The following VRK1 variants were observed in gnomAD, a reference collection of about 807,000 sequenced individuals.
The protein encoded by VRK1 is serine/threonine-protein kinase VRK1.
In VRK1, 33 loss-of-function variants were observed where a neutral mutation model predicts 57.1. The ratio of observed to expected loss-of-function variants is 0.58; its 90% CI spans 0.44 to 0.77. The LOEUF is 0.77. Ranked by LOEUF, VRK1 falls within the 30% of genes least tolerant of loss-of-function variation. VRK1 has a pLI of 0.00. For missense variants in VRK1, 413 were observed against 477.3 expected (o/e 0.87, Z 1.25); for synonymous variants, 137 against 147.8 (o/e 0.93, Z 0.53).
chr14:96,803,012 T>A lies in VRK1; in HGVS notation c.-6+5565T>A, dbSNP rs116923301. ...TCTGTCCCAGGTGGGGTGTAAATCA[T>A]CCCTTTGTCCAGCATATCCACACTG... On this transcript the variant is annotated intron_variant, in intron 1 of 12. Coordinates refer to ENST00000216639, the MANE Select transcript of VRK1 (RefSeq NM_003384.3). Among the ~76,000 whole-genome samples, 888 of 152,240 alleles carry A rather than the reference T, an allele frequency of 5.8e-3. 7 individuals carry two copies. The highest frequency in any genetic ancestry group is 0.035 in the South Asian group (167 of 4,816).
intron 1 of VRK1, among the ~76,000 whole-genome samples, chr14:96,799,501 T>C (rs1459094443): frequency 1.3e-5 from 2 of 152,166 alleles, no homozygotes; most frequent in Admixed American, 1.3e-4. Context: ...ATTTGAAAAA[T>C]AAAACTTTAA....
chr14:96,802,456 T>G (rs1345548024), intron 1 of VRK1, among the ~76,000 whole-genome samples: 1 of 152,212 alleles, frequency 6.6e-6, no homozygotes, highest in Non-Finnish European at 1.5e-5. Context: ...ATGCAGCAAC[T>G]TGGTTGGAGT....
At chr14:96,845,506 C>G (rs1165202012) in intron 3 of VRK1, among the ~76,000 whole-genome samples, 1 of 151,924 alleles carries the variant, frequency 6.6e-6, no homozygotes, top group African/African-American at 2.4e-5. Context: ...TTAATGAGCC[C>G]CATGTTTGGT....
chr14:96,831,105 C>T (rs1396691361), intron 1 of VRK1, among the ~76,000 whole-genome samples: 4 of 152,172 alleles, frequency 2.6e-5, no homozygotes, highest in East Asian at 1.9e-4. Flanking sequence ...TTGTGTGCTT[C>T]TAAGAAGTAG....
chr14:96,835,649 G>A (rs1230956186), intron 2 of VRK1, among the ~76,000 whole-genome samples: 1 of 152,166 alleles, frequency 6.6e-6, no homozygotes, highest in Non-Finnish European at 1.5e-5. Flanking sequence ...CCTGTCATGA[G>A]GATTGTCTCA....
intron 7 of VRK1, among the ~76,000 whole-genome samples, chr14:96,854,696 G>C (rs1327688328): frequency 6.6e-6 from 1 of 152,146 alleles, no homozygotes; most frequent in Non-Finnish European, 1.5e-5. Flanking sequence ...TCATTATTAT[G>C]ATGTATGAAA....
chr14:96,797,620 T>C (rs1358734408), intron 1 of VRK1, among the ~76,000 whole-genome samples, 173 bp downstream of exon 1: 1 of 152,022 alleles, frequency 6.6e-6, no homozygotes, highest in Non-Finnish European at 1.5e-5. Flanking sequence ...CTCCGCCGCG[T>C]GGCTTCCGCC....
chr14:96,805,992 T>C (rs934235034), intron 1 of VRK1, among the ~76,000 whole-genome samples: 2 of 147,402 alleles, frequency 1.4e-5, no homozygotes, highest in African/African-American at 2.7e-5. Context: ...TTCTTTTTTT[T>C]TTTTTTTTTC....
chr14:96,840,681 A>C (rs78026986), intron 3 of VRK1, among the ~76,000 whole-genome samples: 12,672 of 152,210 alleles, frequency 0.083, 692 homozygotes, highest in Non-Finnish European at 0.13. Flanking sequence ...TGTGAGAAGA[A>C]AGCAAGTCTC....
At chr14:96,838,585 G>A (rs1456836610) in intron 3 of VRK1, among the ~76,000 whole-genome samples, 3 of 152,068 alleles carry the variant, frequency 2.0e-5, no homozygotes, top group African/African-American at 7.2e-5. Flanking sequence ...CGGGATACAT[G>A]TATTAGGGTT....
intron 12 of VRK1, 118 bp from the exon 13 acceptor site, chr14:96,881,059 C>T (rs1052191407): frequency 1.4e-5 from 13 of 897,388 alleles, no homozygotes; most frequent in African/African-American, 5.1e-5. Context: ...TTGCAAATCA[C>T]GAGAGTCGAT....
Position 96,837,837 on chromosome 14 carries a change from A to AT in VRK1, c.216+23dup. 1 of 1,535,338 alleles carries AT rather than the reference A, an allele frequency of 6.5e-7. No individual in the cohort carries two copies. The highest frequency in any genetic ancestry group is 1.9e-5 in the Admixed American group (1 of 53,410). ...AAAGTGGTAAGAAATATTTTAGCTA[A>AT]TTTGTTTCTTTTCTGTTGATTTGGT... On this transcript the variant is annotated intron_variant, in intron 3 of 12. Coordinates refer to ENST00000216639, the MANE Select transcript of VRK1 (RefSeq NM_003384.3).
intron 1 of VRK1, among the ~76,000 whole-genome samples, chr14:96,816,702 G>C (rs1213408883): frequency 6.6e-6 from 1 of 152,104 alleles, no homozygotes; most frequent in Non-Finnish European, 1.5e-5. Context: ...ACAAGGAACA[G>C]ATTAAGTGAC....
intron 1 of VRK1, among the ~76,000 whole-genome samples, chr14:96,827,367 CTTG>C (rs1200928807): frequency 6.6e-6 from 1 of 152,126 alleles, no homozygotes; most frequent in Non-Finnish European, 1.5e-5. Flanking sequence ...AAGTGCTTCT[CTTG>C]TTGCCATGTG....
At chr14:96,864,749 A>T (rs557898070) in intron 11 of VRK1, among the ~76,000 whole-genome samples, 49 of 152,156 alleles carry the variant, frequency 3.2e-4, no homozygotes, top group Non-Finnish European at 6.0e-4. Flanking sequence ...GCTCACTGAC[A>T]CTAGCTCTTG....
At chr14:96,872,935 CAAAG>C (rs1270608955) in intron 11 of VRK1, among the ~76,000 whole-genome samples, 1 of 152,020 alleles carries the variant, frequency 6.6e-6, no homozygotes, top group Non-Finnish European at 1.5e-5. Context: ...GTGTTTAGAA[CAAAG>C]AACTTTGTTC....
intron 11 of VRK1, among the ~76,000 whole-genome samples, chr14:96,864,884 T>A (rs905592132): frequency 5.3e-5 from 8 of 151,994 alleles, no homozygotes; most frequent in African/African-American, 1.7e-4. Flanking sequence ...ATAATCCTTT[T>A]TTTTTGGTGA....
chr14:96,799,237 G>A (rs1885560405), intron 1 of VRK1, among the ~76,000 whole-genome samples: 2 of 152,252 alleles, frequency 1.3e-5, no homozygotes, highest in African/African-American at 2.4e-5. Context: ...TTTTATTCCA[G>A]TATGCAAGTG....
At chr14:96,834,432 T>G (rs771213002) in intron 2 of VRK1, among the ~76,000 whole-genome samples, 1 of 152,222 alleles carries the variant, frequency 6.6e-6, no homozygotes, top group Non-Finnish European at 1.5e-5. Context: ...CTGCAGATTT[T>G]TGAGCCTTAC....
Sources: gnomAD v4.1 joint callset for allele counts (sites outside exome capture counted in the v4.1 genomes callset) on GRCh38, gnomAD v4.1.1 for gene constraint, MANE v1.5 for transcripts, NCBI Gene and HGNC (gene_info 2026-07-23, HGNC 2026-07-21) for gene names.